Variants in SATB2 observed in about 807,000 individuals in gnomAD.
The protein encoded by SATB2 is SATB homeobox 2.
Under a neutral mutation model 73.4 loss-of-function variants are expected in SATB2, and 1 was observed. The ratio of observed to expected loss-of-function variants is 0.01; its 90% confidence interval spans 0.00 to 0.06. The LOEUF is 0.06. Among genes scored for constraint, SATB2 ranks in the 10% least tolerant of loss-of-function variants. The pLI, the probability that SATB2 is intolerant of heterozygous loss-of-function variation, is 1.00. For missense variants in SATB2, 459 were observed against 945.8 expected, an observed-to-expected ratio of 0.49 and a Z score of 6.75; for synonymous variants, 397 against 367.0, an observed-to-expected ratio of 1.08 and a Z score of -0.93.
intron 3 of SATB2, among the ~76,000 whole-genome samples, chr2:199,414,883 G>A (rs868504647): frequency 2.0e-5 from 3 of 152,122 alleles, no homozygotes; most frequent in East Asian, 1.9e-4. Context: ...TCACTGGCAC[G>A]TGGTAAGAGG....
At chr2:199,292,320 A>C (rs1406566434) in intron 10 of SATB2, among the ~76,000 whole-genome samples, 2 of 152,222 alleles carry the variant, frequency 1.3e-5, no homozygotes, top group African/African-American at 2.4e-5. Context: ...ATTATACTGC[A>C]TGGGCTAAGT....
At chr2:199,364,771 T>C (rs748212657) in intron 6 of SATB2, among the ~76,000 whole-genome samples, 1 of 152,196 alleles carries the variant, frequency 6.6e-6, no homozygotes, top group African/African-American at 2.4e-5. Flanking sequence ...TTGCTTTTGG[T>C]ACCAGATGAC....
intron 2 of SATB2, among the ~76,000 whole-genome samples, chr2:199,445,550 G>A (rs1041238294): frequency 1.3e-5 from 2 of 152,142 alleles, no homozygotes; most frequent in African/African-American, 4.8e-5. Context: ...TTATAAGTTA[G>A]CTGTAAAAAC....
intron 5 of SATB2, among the ~76,000 whole-genome samples, chr2:199,377,658 T>C (rs1281698664): frequency 3.3e-5 from 5 of 152,132 alleles, no homozygotes; most frequent in African/African-American, 1.2e-4. Flanking sequence ...ATGGTCTTTA[T>C]GATATGGAGT....
chr2:199,338,402 G>C (rs1047067175), intron 7 of SATB2, among the ~76,000 whole-genome samples: 4 of 151,554 alleles, frequency 2.6e-5, no homozygotes, highest in Admixed American at 2.6e-4. Flanking sequence ...AAAAAGTGCA[G>C]GTTTCTACTG....
At chr2:199,419,512 T>C (rs893109521) in intron 3 of SATB2, among the ~76,000 whole-genome samples, 1 of 152,214 alleles carries the variant, frequency 6.6e-6, no homozygotes, top group African/African-American at 2.4e-5. Context: ...AGTTCAACCT[T>C]GGCTTTCTTG....
At chr2:199,283,906 C>T (rs1692608197) in intron 10 of SATB2, among the ~76,000 whole-genome samples, 1 of 152,140 alleles carries the variant, frequency 6.6e-6, no homozygotes, top group Non-Finnish European at 1.5e-5. Flanking sequence ...AGAAACAGCA[C>T]TTGTGTCATT....
intron 6 of SATB2, among the ~76,000 whole-genome samples, chr2:199,355,216 GTGTGTATATA>G (rs2105832139): frequency 6.7e-6 from 1 of 149,404 alleles, no homozygotes; most frequent in East Asian, 2.0e-4. Context: ...TATATATATA[GTGTGTATATA>G]TGTGTATATA....
Position 199,303,897 on chromosome 2 carries a change from G to C in SATB2, c.1740+4863C>G, listed in dbSNP as rs182910528. On this transcript the variant is annotated intron_variant, in intron 10 of 10. Coordinates refer to ENST00000417098, the MANE Select transcript of SATB2 (RefSeq NM_001172509.2). ...CAAGTACTTGTCAGGAAACCACACA[G>C]CAGCAAGCTCAGAATTCCTGAACTT... Among the ~76,000 whole-genome samples the C allele has an allele frequency of 2.2e-4, 34 of 152,290 alleles. 1 individual carries two copies. Among genetic ancestry groups the C allele is most frequent in the African/African-American group, 7.7e-4 (32 of 41,562 alleles).
intron 10 of SATB2, among the ~76,000 whole-genome samples, chr2:199,282,038 C>T (rs1692519351): frequency 6.6e-6 from 1 of 152,054 alleles, no homozygotes; most frequent in Non-Finnish European, 1.5e-5. Context: ...CCCACCGCCA[C>T]ACCCAGCTAA....
intron 3 of SATB2, among the ~76,000 whole-genome samples, chr2:199,386,716 G>GCGCACACACA (rs1689968284): frequency 2.2e-4 from 2 of 9,220 alleles, no homozygotes; most frequent in Admixed American, 3.8e-3. Context: ...GCGCGCGCGC[G>GCGCACACACA]CACACACACA....
intron 9 of SATB2, among the ~76,000 whole-genome samples, chr2:199,312,467 T>G (rs1178215133): frequency 6.6e-6 from 1 of 152,208 alleles, no homozygotes; most frequent in East Asian, 1.9e-4. Flanking sequence ...TAGCTAGGAA[T>G]GTAGAAGGTA....
At chr2:199,432,015 T>C (rs1691518653) in intron 3 of SATB2, among the ~76,000 whole-genome samples, 1 of 152,192 alleles carries the variant, frequency 6.6e-6, no homozygotes, top group Non-Finnish European at 1.5e-5. Context: ...CAGGATCAAA[T>C]CGTGAATCCC....
intron 10 of SATB2, among the ~76,000 whole-genome samples, chr2:199,282,343 G>T (rs1207635488): frequency 6.6e-6 from 1 of 151,922 alleles, no homozygotes; most frequent in Non-Finnish European, 1.5e-5. Context: ...CTGAGAGTAG[G>T]GATATAATTC....
At chr2:199,332,645 C>A (rs962831194) in intron 7 of SATB2, among the ~76,000 whole-genome samples, 2 of 151,982 alleles carry the variant, frequency 1.3e-5, no homozygotes, top group Non-Finnish European at 2.9e-5. Flanking sequence ...TAAAATATTT[C>A]TTTATAACAA....
chr2:199,389,903 T>C (rs1690079861), intron 3 of SATB2, among the ~76,000 whole-genome samples: 3 of 152,102 alleles, frequency 2.0e-5, no homozygotes, highest in Admixed American at 1.3e-4. Flanking sequence ...TTTAGAAATA[T>C]ATACAGTACC....
chr2:199,284,668 G>C (rs745484192), intron 10 of SATB2, among the ~76,000 whole-genome samples: 13 of 151,538 alleles, frequency 8.6e-5, no homozygotes, highest in Non-Finnish European at 1.9e-4. Flanking sequence ...TTTCTGTTTT[G>C]AAAATATATT....
rs13013675 is a variant in SATB2, at chr2:199,462,995, G to A, written c.-141+1841C>T. ...TCCCGGGGTAGGAGATGGGCGTCGG[G>A]TGTGGGCACTGCCTGCCCTGGGGGA... On this transcript the variant is annotated intron_variant, in intron 1 of 11. Transcript: ENST00000260926. This position sits in a 1 kb window ranked among gnomAD's most constrained non-coding sequence, Gnocchi z 5.9. Among the ~76,000 whole-genome samples the A allele has an allele frequency of 0.063, 9,558 of 152,284 alleles. 374 individuals are homozygous for A. Among genetic ancestry groups the A allele is most frequent in the Non-Finnish European group, 0.085 (5,796 of 68,010 alleles).
intron 6 of SATB2, among the ~76,000 whole-genome samples, chr2:199,363,350 G>A (rs540725716): frequency 2.7e-4 from 41 of 152,308 alleles, no homozygotes; most frequent in Non-Finnish European, 5.0e-4. Flanking sequence ...GTGACGACAT[G>A]AGTAGAACTG....
Sources: allele counts gnomAD v4.1 joint callset (sites outside exome capture counted in the v4.1 genomes callset), GRCh38; gene constraint gnomAD v4.1.1; non-coding constraint Gnocchi (gnomAD v3.1); transcripts MANE v1.5; gene names NCBI Gene and HGNC (gene_info 2026-07-23, HGNC 2026-07-21).